Variants in PIWIL3 observed in about 807,000 individuals in gnomAD.
PIWIL3 encodes piwi-like protein 3.
A neutral mutation model predicts 109.7 loss-of-function variants in PIWIL3; 101 were observed. The observed-to-expected ratio is 0.92, with a 90% CI of 0.78 to 1.09. The LOEUF is 1.09. Ranked by LOEUF, PIWIL3 falls within the 50% of genes least tolerant of loss-of-function variation. The pLI is 0.00. For missense variants in PIWIL3, 1,031 were observed against 1,072.6 expected, an observed-to-expected ratio of 0.96 and a Z score of 0.54; for synonymous variants, 373 against 376.4, an observed-to-expected ratio of 0.99 and a Z score of 0.10.
rs74367419 is a variant in PIWIL3 at position 24,722,789 on chromosome 22, T to C, written c.2357+341A>G. On this transcript the variant is annotated intron_variant, in intron 19 of 20. Coordinates refer to ENST00000616349, the MANE Select transcript of PIWIL3 (RefSeq NM_001255975.1). ...ATTTTGATGGTCGTGATATAGTCAA[T>C]ATAATTTGATTTGTGATGACTCCAA... Among the ~76,000 whole-genome samples, 523 of 152,286 alleles carry C rather than the reference T, an allele frequency of 3.4e-3. 4 individuals carry two copies. Among genetic ancestry groups the C allele is most frequent in the African/African-American group, 0.012 (498 of 41,578 alleles).
intron 1 of PIWIL3, among the ~76,000 whole-genome samples, chr22:24,768,167 T>C (rs997356502): frequency 3.3e-5 from 5 of 152,210 alleles, no homozygotes; most frequent in Non-Finnish European, 5.9e-5. Flanking sequence ...TGCCACTGTT[T>C]TGTGACCATC....
At chr22:24,730,079 A>G (rs1228423355) in intron 14 of PIWIL3, among the ~76,000 whole-genome samples, 1 of 152,146 alleles carries the variant, frequency 6.6e-6, no homozygotes, top group African/African-American at 2.4e-5. Context: ...AGAAAACAGC[A>G]TCACCGGCTG....
chr22:24,762,902 A>G (rs1480820483), intron 1 of PIWIL3, among the ~76,000 whole-genome samples: 1 of 152,124 alleles, frequency 6.6e-6, no homozygotes, highest in African/African-American at 2.4e-5. Context: ...AACACCTCCC[A>G]GTAGGCCCCA....
At chr22:24,762,059 G>T in intron 2 of PIWIL3, 1 of 965,948 alleles carries the variant, frequency 1.0e-6, no homozygotes, top group Non-Finnish European at 1.3e-6. Flanking sequence ...ATCTAACTCA[G>T]GCTATGCCAG....
chr22:24,720,660 T>G (rs1922624155), intron 19 of PIWIL3, among the ~76,000 whole-genome samples: 1 of 152,224 alleles, frequency 6.6e-6, no homozygotes, highest in African/African-American at 2.4e-5. Context: ...TATGTTGTAC[T>G]TTATGTTTAT....
chr22:24,756,429 T>G, intron 5 of PIWIL3, 62 bp downstream of exon 5: 7 of 1,480,720 alleles, frequency 4.7e-6, no homozygotes, highest in Non-Finnish European at 6.5e-6. Context: ...ATAGGTGTTT[T>G]ATTATAATAA....
intron 4 of PIWIL3, among the ~76,000 whole-genome samples, chr22:24,757,099 A>G (rs925078527): frequency 2.7e-5 from 4 of 149,288 alleles, no homozygotes; most frequent in African/African-American, 2.5e-5. Flanking sequence ...AAAAAAAAAA[A>G]AAAGAAAAGA....
In PIWIL3 at chr22:24,755,875, T is replaced by A. The variant is rs532234712; in HGVS notation, c.601A>T (p.Lys201Ter). ...RVEWLSTTKDKNIVKITVEFS... is the reference protein window; with the variant it reads ...RVEWLSTTKD ...TCAACTGTAATCTTCACGATGTTTT[T>A]GTCTTTGGTTGTGCTCAACCATTCC... Residue 201 changes from lysine to a stop codon, truncating the protein, a stop_gained, in exon 6 of 21, where the codon AAA becomes TAA. Transcript: ENST00000616349. LOFTEE classifies it high-confidence loss of function. 3 of 1,614,066 alleles carry A rather than the reference T, an allele frequency of 1.9e-6. No individual in the cohort carries two copies. Among genetic ancestry groups the A allele is most frequent in the Non-Finnish European group, 2.5e-6 (3 of 1,179,958 alleles).
intron 12 of PIWIL3, 68 bp downstream of exon 12, chr22:24,748,839 G>A (rs1334970209): frequency 2.6e-5 from 33 of 1,247,736 alleles, no homozygotes. Context: ...TGAGACTCAA[G>A]TTAGTTCCTT....
intron 8 of PIWIL3, among the ~76,000 whole-genome samples, chr22:24,752,296 T>C (rs913701154): frequency 2.0e-5 from 3 of 152,222 alleles, no homozygotes; most frequent in Non-Finnish European, 4.4e-5. Flanking sequence ...CTGGCAGTTA[T>C]GCCAGAAGCC....
chr22:24,762,930 AT>A (rs936336005), intron 1 of PIWIL3, among the ~76,000 whole-genome samples: 25 of 152,008 alleles, frequency 1.6e-4, no homozygotes, highest in African/African-American at 6.0e-4. Context: ...ATGCTGCCAC[AT>A]TGGGGATCAA....
At chr22:24,745,537 ACT>A (rs1291162185) in intron 12 of PIWIL3, among the ~76,000 whole-genome samples, 1 of 152,084 alleles carries the variant, frequency 6.6e-6, no homozygotes. Flanking sequence ...ACAGAGTGAG[ACT>A]CTGTCTCTAA....
intron 4 of PIWIL3, among the ~76,000 whole-genome samples, chr22:24,757,532 T>C (rs1223335110): frequency 6.8e-6 from 1 of 147,170 alleles, no homozygotes; most frequent in African/African-American, 2.6e-5. Context: ...ATTCCTGTAA[T>C]CTCAGCAGTT....
In PIWIL3 at chr22:24,755,869, T is replaced by A; in HGVS notation, c.607A>T (p.Ile203Phe). Residue 203 changes from isoleucine to phenylalanine, a missense_variant, in exon 6 of 21, where the codon ATC becomes TTC. Transcript: ENST00000616349. ...GAAAACTCAACTGTAATCTTCACGA[T>A]GTTTTTGTCTTTGGTTGTGCTCAAC... ...EWLSTTKDKN[I>F]VKITVEFSKE... is the part of the protein sequence containing the mutation. 6.2e-7 allele frequency: 1 copy of A among 1,614,008 alleles called. No individual in the cohort carries two copies.
At chr22:24,746,439 C>T (rs1924373074) in intron 12 of PIWIL3, among the ~76,000 whole-genome samples, 1 of 148,736 alleles carries the variant, frequency 6.7e-6, no homozygotes, top group Non-Finnish European at 1.5e-5. Flanking sequence ...AAAAGCCATA[C>T]ACTTCAGACC....
At chr22:24,741,207 C>T (rs1427716346) in intron 12 of PIWIL3, among the ~76,000 whole-genome samples, 2 of 152,184 alleles carry the variant, frequency 1.3e-5, no homozygotes, top group African/African-American at 4.8e-5. Flanking sequence ...TAAAATCCAG[C>T]ATCGCTTTAT....
At position 24,719,588 on chromosome 22, in the gene PIWIL3, C is replaced by T. The variant is rs1569093103; in HGVS notation, c.2506G>A (p.Gly836Ser). The T allele has an allele frequency of 6.3e-7, 1 of 1,580,406 alleles. No individual in the cohort carries two copies. The highest frequency in any genetic ancestry group is 1.9e-5 in the Admixed American group (1 of 51,692). The change falls in exon 21 of 21, where the codon GGC becomes AGC. Residue 836 changes from glycine (G) to serine (S), a missense_variant and splice_region_variant. Transcript: ENST00000616349. ...CLCHMYYNLP[G>S]IIRVPAPCHY... ...CAAGGCGCTGGAACTCGGATGATGC[C>T]CTTTAGTAGGAAAAGAAAATACACA...
intron 14 of PIWIL3, among the ~76,000 whole-genome samples, chr22:24,731,314 CAGA>C (rs1473665468): frequency 6.6e-6 from 1 of 152,162 alleles, no homozygotes; most frequent in African/African-American, 2.4e-5. Flanking sequence ...ACTGAGTCTC[CAGA>C]AGAAGGTCTT....
intron 12 of PIWIL3, among the ~76,000 whole-genome samples, chr22:24,738,772 T>C (rs1208811823): frequency 6.6e-6 from 1 of 152,148 alleles, no homozygotes. Flanking sequence ...CAAGCCCAGA[T>C]GGCGAAGAGA....
Sources: gnomAD v4.1 joint callset for allele counts (sites outside exome capture counted in the v4.1 genomes callset) on GRCh38, gnomAD v4.1.1 for gene constraint, MANE v1.5 for transcripts, NCBI Gene and HGNC (gene_info 2026-07-23, HGNC 2026-07-21) for gene names.